Variants in P3H1 observed in about 807,000 individuals in gnomAD.
P3H1 encodes prolyl 3-hydroxylase 1.
P3H1 carries 69 observed loss-of-function variants against 84.0 expected under a neutral mutation model. The ratio of observed to expected loss-of-function variants is 0.82; its 90% CI spans 0.68 to 1.00. The LOEUF is 1.00. Among genes scored for constraint, P3H1 ranks in the 50% least tolerant of loss-of-function variants. The pLI, the probability that P3H1 is intolerant of heterozygous loss-of-function variation, is 0.00. For synonymous variants in P3H1, 366 were observed against 388.8 expected (o/e 0.94, Z 0.69); for missense variants, 878 against 962.8 (o/e 0.91, Z 1.17).
intron 4 of P3H1, among the ~76,000 whole-genome samples, chr1:42,758,487 C>T (rs573387949): frequency 8.5e-5 from 13 of 152,274 alleles, no homozygotes; most frequent in African/African-American, 3.1e-4. Context: ...AATTGGCAGC[C>T]CCACAAAAGC....
Position 42,752,645 on chromosome 1 carries a change from T to G in P3H1, c.1365A>C (p.Glu455Asp), listed in dbSNP as rs528911219. Residue 455 changes from glutamate (E) to aspartate (D), a missense_variant, in exon 9 of 15, where the codon GAA becomes GAC. Transcript: ENST00000296388. ...LTREGGPLLY[E>D]GISLTMNSKL... is the part of the protein sequence containing the mutation. ...TGGAGTTCATGGTGAGACTGATGCCTTCATACAGCAGGGGGCCACCTGCAA... is the reference window on the plus strand; with the variant it reads ...TGGAGTTCATGGTGAGACTGATGCCGTCATACAGCAGGGGGCCACCTGCAA... The G allele has an allele frequency of 6.2e-6, 10 of 1,614,188 alleles. No individual in the cohort carries two copies. In the South Asian group the frequency reaches 1.1e-4, roughly 18 times the overall value.
At chr1:42,747,542 T>G in intron 13 of P3H1, 130 bp from the exon 14 acceptor site, 1 of 1,133,192 alleles carries the variant, frequency 8.8e-7, no homozygotes. Flanking sequence ...AGACCAGAAC[T>G]AAAGAGAAAG....
chr1:42,762,160 A>G (rs1365800978), intron 2 of P3H1, 163 bp downstream of exon 2: 1 of 679,942 alleles, frequency 1.5e-6, no homozygotes, highest in Admixed American at 2.4e-5. Context: ...AGTCCCAACT[A>G]CTCAGGAGGC....
At chr1:42,756,131 C>T (rs1652390206) in intron 5 of P3H1, among the ~76,000 whole-genome samples, 1 of 152,228 alleles carries the variant, frequency 6.6e-6, no homozygotes, top group South Asian at 2.1e-4. Context: ...AGATGTACCA[C>T]TGTCTAAGGT....
chr1:42,754,202 C>T lies in P3H1; in HGVS notation c.1345+667G>A, dbSNP rs1056323106. Among the ~76,000 whole-genome samples, 3 of 151,926 alleles carry T rather than the reference C, an allele frequency of 2.0e-5. No homozygotes were observed. Among genetic ancestry groups the T allele is most frequent in the Admixed American group, 6.6e-5 (1 of 15,258 alleles). On this transcript the variant is annotated intron_variant, in intron 8 of 14. Coordinates refer to ENST00000296388, the MANE Select transcript of P3H1 (RefSeq NM_022356.4). The surrounding 1 kb of genome is among the most constrained non-coding windows in gnomAD (Gnocchi z 4.0). ...TGGGCAGGGGCAAGGACAGGCCAGA[C>T]GGGGAAAGGGTGGGTGCAGATAGGA... is the stretch of plus-strand genomic sequence containing the variant.
At chr1:42,759,420 G>A (rs760816085) in intron 2 of P3H1, 30 bp from the exon 3 acceptor site, 2 of 1,604,046 alleles carry the variant, frequency 1.2e-6, no homozygotes, top group East Asian at 4.5e-5. Context: ...CTCAAATGCA[G>A]GCCACAGAGG....
Position 42,752,632 on chromosome 1 carries a change from T to C in P3H1, c.1378A>G (p.Thr460Ala). The C allele has an allele frequency of 6.2e-7, 1 of 1,614,160 alleles. No individual in the cohort carries two copies. Among genetic ancestry groups the C allele is most frequent in the Non-Finnish European group, 8.5e-7 (1 of 1,180,032 alleles). Reference protein sequence around the residue: ...GPLLYEGISLTMNSKLLNGSQ... With the variant: ...GPLLYEGISLAMNSKLLNGSQ... ...CCATTCAGGAGTTTGGAGTTCATGGTGAGACTGATGCCTTCATACAGCAGG... is the reference window on the plus strand; with the variant it reads ...CCATTCAGGAGTTTGGAGTTCATGGCGAGACTGATGCCTTCATACAGCAGG... Residue 460 changes from threonine (T) to alanine (A), a missense_variant, in exon 9 of 15, where the codon ACC (threonine) becomes GCC (alanine). Transcript: ENST00000296388.
chr1:42,749,613 G>T (rs926165794), intron 11 of P3H1, among the ~76,000 whole-genome samples: 1 of 152,196 alleles, frequency 6.6e-6, no homozygotes, highest in Admixed American at 6.5e-5. Flanking sequence ...AGCTCTCCAG[G>T]ATTTGGCACC....
At position 42,766,926 on chromosome 1, in the gene P3H1, C is replaced by G; in HGVS notation, c.46G>C (p.Val16Leu). 6.2e-7 allele frequency: 1 copy of G among 1,609,384 alleles called. No homozygotes were observed. The highest frequency in any genetic ancestry group is 8.5e-7 in the Non-Finnish European group (1 of 1,179,818). The change falls in exon 1 of 15, where the codon GTG (valine) becomes CTG (leucine). Residue 16 changes from valine to leucine, a missense_variant. Val to Leu is a conservative substitution (Grantham distance 32, BLOSUM62 1). Coordinates refer to ENST00000296388, the MANE Select transcript of P3H1 (RefSeq NM_022356.4). ...LKLLTTLLAVVAAASQAEVES... is the reference protein window; with the variant it reads ...LKLLTTLLAVLAAASQAEVES... The stretch of plus-strand genomic sequence containing the variant: ...ACCTCGGCTTGGGAGGCAGCGGCCA[C>G]GACAGCCAGCAGTGTGGTCAGCAGC...
Position 42,754,967 on chromosome 1 carries a change from C to G in P3H1, c.1247G>C (p.Arg416Pro). 1 of 1,614,184 alleles carries G rather than the reference C, an allele frequency of 6.2e-7. No individual in the cohort carries two copies. Among genetic ancestry groups the G allele is most frequent in the Non-Finnish European group, 8.5e-7 (1 of 1,180,034 alleles). ...KQKSERETAV[R>P]ISQEIGNLMK... is the part of the protein sequence containing the mutation. The stretch of plus-strand genomic sequence containing the variant: ...AAGGTTCCCAATCTCCTGGGAGATG[C>G]GTACGGCTGTTTCCCGTTCTGACCT... Residue 416 changes from arginine (R) to proline (P), a missense_variant, in exon 8 of 15, where the codon CGC becomes CCC. Arg to Pro is a moderately radical substitution (Grantham distance 103, BLOSUM62 -2). Transcript: ENST00000296388. The surrounding 1 kb of genome is among the most constrained non-coding windows in gnomAD (Gnocchi z 4.0).
chr1:42,752,503 T>C (rs758044630), intron 9 of P3H1, 34 bp downstream of exon 9: 2 of 1,613,868 alleles, frequency 1.2e-6, no homozygotes, highest in East Asian at 4.5e-5. Context: ...TGCTGGACCC[T>C]TGGGGGAAGG....
rs915572432 is a variant in P3H1 at position 42,759,325 on chromosome 1, T to C, written c.684A>G (p.Leu228=). The part of the protein sequence containing the change: ...EEQPQEAVPH[L]EAALQEYFVA... ...CAAAGTATTCTTGCAGCGCCGCCTC[T>C]AGGTGGGGCACAGCTTCCTGTGGCT... Residue 228 remains leucine, a synonymous_variant, in exon 3 of 15, where the codon CTA becomes CTG. Transcript: ENST00000296388. 3 of 1,614,150 alleles carry C rather than the reference T, an allele frequency of 1.9e-6. No homozygotes were observed. Among genetic ancestry groups the C allele is most frequent in the Non-Finnish European group, 2.5e-6 (3 of 1,179,992 alleles).
At chr1:42,751,838 T>C (rs977461561) in intron 10 of P3H1, 2 of 238,774 alleles carry the variant, frequency 8.4e-6, no homozygotes, top group South Asian at 6.1e-5. Flanking sequence ...CGCCCCTCTT[T>C]AGGGGCCAGA....
At chr1:42,746,982 C>A in intron 14 of P3H1, 130 bp from the exon 15 acceptor site, 1 of 1,614,148 alleles carries the variant, frequency 6.2e-7, no homozygotes, top group African/African-American at 1.3e-5. Context: ...CCCAGCAGGT[C>A]CTACTCTCTG....
At chr1:42,764,823 T>A (rs1344926688) in intron 1 of P3H1, among the ~76,000 whole-genome samples, 1 of 152,160 alleles carries the variant, frequency 6.6e-6, no homozygotes, top group Non-Finnish European at 1.5e-5. Flanking sequence ...AAATTAGAAA[T>A]TTTTTCAGGT....
rs745441946 is a variant in P3H1, at chr1:42,759,256, G to C, written c.753C>G (p.Asp251Glu). The change falls in exon 3 of 15, where the codon GAC (aspartate) becomes GAG (glutamate). Residue 251 changes from aspartate (D) to glutamate (E), a missense_variant. By Grantham distance (45) the Asp-to-Glu change is conservative. Transcript: ENST00000296388. ...ECRALCEGPYDYDGYNYLEYN... is the reference protein window; with the variant it reads ...ECRALCEGPYEYDGYNYLEYN... ...ACTCAAGGTAGTTGTAGCCATCGTA[G>C]TCATAGGGCCCTTCGCAGAGGGCAC... The C allele has an allele frequency of 6.2e-7, 1 of 1,614,198 alleles. No homozygotes were observed. The highest frequency in any genetic ancestry group is 1.1e-5 in the South Asian group (1 of 91,084).
In P3H1 at chr1:42,766,851, CGGCGAAGAGCAGATCA is replaced by C. The variant is rs1413085360; in HGVS notation, c.105_120del (p.Asp36ArgfsTer16). The C allele has an allele frequency of 6.2e-7, 1 of 1,606,096 alleles. No individual in the cohort carries two copies. The highest frequency in any genetic ancestry group is 2.2e-5 in the East Asian group (1 of 44,860). ...CCGCGCGCGTAGGCTGCGGTCCCCTCGGCGAAGAGCAGATCAGGCGTCACCATGCCCCATCCTGCCT... is the reference window on the plus strand; with the variant it reads ...CCGCGCGCGTAGGCTGCGGTCCCCTCGGCGTCACCATGCCCCATCCTGCCT... On this transcript the variant is annotated frameshift_variant, in exon 1 of 15. Coordinates refer to ENST00000296388, the MANE Select transcript of P3H1 (RefSeq NM_022356.4). LOFTEE classifies it high-confidence loss of function.
At chr1:42,757,212 G>C (rs1310574749) in intron 5 of P3H1, among the ~76,000 whole-genome samples, 3 of 152,208 alleles carry the variant, frequency 2.0e-5, no homozygotes, top group African/African-American at 7.2e-5. Flanking sequence ...GGGGCAGCAA[G>C]AGGCTGTTTC....
rs756232950 is a variant in P3H1 at position 42,762,006 on chromosome 1, C to T, written c.618+317G>A. ...ATATAAACTGGTTTTCTTAAGGTGG[C>T]GGTATTACAAATGATTACTTTTTAT... is the stretch of plus-strand genomic sequence containing the variant. On this transcript the variant is annotated intron_variant, in intron 2 of 14. Coordinates refer to ENST00000296388, the MANE Select transcript of P3H1 (RefSeq NM_022356.4). The T allele has an allele frequency of 2.5e-5, 6 of 244,578 alleles. No individual in the cohort carries two copies. The East Asian group carries it at 2.8e-4, about 11-fold the overall frequency. 15.2% of individuals were successfully genotyped at this position (244,578 alleles called of 1,614,324 possible). A position where few individuals can be genotyped will look rare whatever the true frequency, so the allele number is the denominator to read the frequency against.
Sources: gnomAD v4.1 joint callset for allele counts (sites outside exome capture counted in the v4.1 genomes callset) on GRCh38, gnomAD v4.1.1 for gene constraint, Gnocchi (gnomAD v3.1) non-coding constraint, MANE v1.5 for transcripts, NCBI Gene and HGNC (gene_info 2026-07-23, HGNC 2026-07-21) for gene names.